The following MGAT4C variants were observed in gnomAD, a reference collection of about 807,000 sequenced individuals.
MGAT4C encodes the protein MGAT4 family member C.
In MGAT4C, 19 loss-of-function variants were observed where a neutral mutation model predicts 40.1. The ratio of observed to expected loss-of-function variants is 0.47; its 90% CI spans 0.33 to 0.70. The LOEUF is 0.70. Among genes scored for constraint, MGAT4C ranks in the 30% least tolerant of loss-of-function variants. MGAT4C has a pLI of 0.02. For synonymous variants in MGAT4C, 181 were observed against 187.1 expected, an observed-to-expected ratio of 0.97 and a Z score of 0.27; for missense variants, 491 against 563.2, an observed-to-expected ratio of 0.87 and a Z score of 1.30.
intron 3 of MGAT4C, among the ~76,000 whole-genome samples, chr12:86,371,118 A>G (rs1955706733): frequency 6.6e-6 from 1 of 152,022 alleles, no homozygotes; most frequent in Admixed American, 6.6e-5. Flanking sequence ...AGTATTATTT[A>G]TTGCTCCAGC....
intron 4 of MGAT4C, among the ~76,000 whole-genome samples, chr12:86,319,085 G>A (rs1954313520): frequency 6.6e-6 from 1 of 152,080 alleles, no homozygotes; most frequent in Admixed American, 6.6e-5. Context: ...TGTTTCCTGT[G>A]AGAACACATT....
chr12:86,191,858 T>A (rs1889539011), intron 1 of MGAT4C, among the ~76,000 whole-genome samples: 1 of 145,868 alleles, frequency 6.9e-6, no homozygotes, highest in Admixed American at 6.8e-5. Flanking sequence ...TGTCCATCAA[T>A]GATAGATTGG....
At chr12:86,106,562 C>A (rs2135620090) in intron 1 of MGAT4C, among the ~76,000 whole-genome samples, 1 of 152,316 alleles carries the variant, frequency 6.6e-6, no homozygotes, top group African/African-American at 2.4e-5. Flanking sequence ...GTCTCAGCCT[C>A]CTAAACTGTT....
intron 1 of MGAT4C, among the ~76,000 whole-genome samples, chr12:86,069,409 A>C (rs1319182764): frequency 6.6e-6 from 1 of 152,140 alleles, no homozygotes; most frequent in African/African-American, 2.4e-5. Flanking sequence ...CCAAGCTAAC[A>C]GTAAATTAAA....
At chr12:86,409,278 A>G (rs1427712657) in intron 3 of MGAT4C, among the ~76,000 whole-genome samples, 1 of 152,224 alleles carries the variant, frequency 6.6e-6, no homozygotes, top group Non-Finnish European at 1.5e-5. Flanking sequence ...AATAGTAATA[A>G]TAAGAAGAAT....
rs1409076723 is a variant in MGAT4C, at chr12:86,566,562, A to ATG, written c.-228-131298_-228-131297insCA. ...TATATATATATATATATATATATAT[A>ATG]TATATATATATATGTATATGTATAT... On this transcript the variant is annotated intron_variant, in intron 2 of 7. Coordinates refer to the MGAT4C transcript ENST00000548651. Among the ~76,000 whole-genome samples, 13 of 125,988 alleles carry ATG rather than the reference A, an allele frequency of 1.0e-4. No homozygotes were observed. The East Asian group carries it at 3.0e-3, about 29-fold the overall frequency. The allele number at this position is 125,988 out of a possible 152,430, so 82.7% of individuals were successfully genotyped here.
At chr12:86,296,902 G>A (rs1953695554) in intron 4 of MGAT4C, among the ~76,000 whole-genome samples, 1 of 152,258 alleles carries the variant, frequency 6.6e-6, no homozygotes, top group Admixed American at 6.5e-5. Context: ...CCAGGCAGAG[G>A]AAGCGCCCAG....
chr12:86,550,349 A>T (rs1004188161), intron 2 of MGAT4C, among the ~76,000 whole-genome samples: 2 of 152,188 alleles, frequency 1.3e-5, no homozygotes, highest in Admixed American at 1.3e-4. Flanking sequence ...TACAGTCTGT[A>T]CTATAGGGAA....
intron 1 of MGAT4C, among the ~76,000 whole-genome samples, chr12:86,091,869 C>T (rs1354258): frequency 0.59 from 86,525 of 147,166 alleles, 25,520 homozygotes; most frequent in East Asian, 0.92. Context: ...AAAGACATTA[C>T]GAGAGGAAAG....
chr12:86,766,665 T>G (rs1951514877), intron 1 of MGAT4C, among the ~76,000 whole-genome samples: 1 of 151,596 alleles, frequency 6.6e-6, no homozygotes, highest in African/African-American at 2.4e-5. Flanking sequence ...TATAACAAAC[T>G]ATCTCTCAGA....
intron 4 of MGAT4C, among the ~76,000 whole-genome samples, chr12:86,266,673 C>A (rs1354623493): frequency 6.6e-6 from 1 of 152,042 alleles, no homozygotes; most frequent in Admixed American, 6.6e-5. Context: ...GAAAAAATTC[C>A]CTCTTCCTCA....
chr12:86,767,789 A>G (rs373580943), intron 1 of MGAT4C, among the ~76,000 whole-genome samples: 20 of 152,216 alleles, frequency 1.3e-4, no homozygotes, highest in Non-Finnish European at 2.6e-4. Context: ...CAATAGATGC[A>G]GAAAAGGCCT....
intron 3 of MGAT4C, among the ~76,000 whole-genome samples, chr12:86,345,067 C>T (rs960058546): frequency 3.3e-5 from 5 of 151,682 alleles, no homozygotes; most frequent in Admixed American, 3.3e-4. Context: ...AATTTTAACA[C>T]AAAATATTTT....
upstream of MGAT4C, among the ~76,000 whole-genome samples, chr12:86,259,529 T>G (rs1952611950): frequency 6.6e-6 from 1 of 151,692 alleles, no homozygotes; most frequent in African/African-American, 2.4e-5. Context: ...CTATTTAATA[T>G]ACACATGTGG....
chr12:86,791,754 T>C (rs1952026696), intron 1 of MGAT4C, among the ~76,000 whole-genome samples: 1 of 152,152 alleles, frequency 6.6e-6, no homozygotes, highest in Admixed American at 6.6e-5. Flanking sequence ...TCCAGAAGTG[T>C]AAACTCATTG....
At chr12:86,663,258 G>C (rs1964022228) in intron 2 of MGAT4C, among the ~76,000 whole-genome samples, 1 of 151,168 alleles carries the variant, frequency 6.6e-6, no homozygotes, top group Admixed American at 6.6e-5. Context: ...CACTTAGGAG[G>C]GTGAGGTGGG....
chr12:86,576,836 T>A (rs573822803), intron 2 of MGAT4C, among the ~76,000 whole-genome samples: 6 of 151,938 alleles, frequency 3.9e-5, no homozygotes, highest in Admixed American at 6.6e-5. Context: ...CATTTTAGGA[T>A]CTTATTTTCT....
At chr12:86,204,987 A>C (rs1950195400) in intron 1 of MGAT4C, among the ~76,000 whole-genome samples, 1 of 152,064 alleles carries the variant, frequency 6.6e-6, no homozygotes, top group African/African-American at 2.4e-5. Context: ...ATATAAAATA[A>C]TTGAAAAAAA....
intron 1 of MGAT4C, among the ~76,000 whole-genome samples, chr12:86,753,583 C>T (rs1017309518): frequency 4.0e-5 from 6 of 151,770 alleles, no homozygotes; most frequent in African/African-American, 1.2e-4. Flanking sequence ...GAGATGGTCT[C>T]GGCAGTCACG....
Sources: gnomAD v4.1 joint callset for allele counts (sites outside exome capture counted in the v4.1 genomes callset) on GRCh38, gnomAD v4.1.1 for gene constraint, MANE v1.5 for transcripts, NCBI Gene and HGNC (gene_info 2026-07-23, HGNC 2026-07-21) for gene names.